ATP12A: variants seen among roughly 807,000 people sequenced by gnomAD.
ATP12A encodes ATPase H+/K+ transporting non-gastric alpha2 subunit, also known as potassium-transporting ATPase alpha chain 2.
A neutral mutation model predicts 111.2 loss-of-function variants in ATP12A; 81 were observed. The observed-to-expected ratio is 0.73, with a 90% confidence interval of 0.61 to 0.88. ATP12A has a LOEUF of 0.88. ATP12A is among the 40% of genes least tolerant of loss of function. The pLI, the probability that ATP12A is intolerant of heterozygous loss-of-function variation, is 0.00. For synonymous variants in ATP12A, 498 were observed against 499.8 expected (o/e 1.00, Z 0.05); for missense variants, 1,196 against 1,313.1 (o/e 0.91, Z 1.38).
intron 11 of ATP12A, among the ~76,000 whole-genome samples, chr13:24,697,248 A>G (rs1380797352): frequency 6.6e-6 from 1 of 152,216 alleles, no homozygotes; most frequent in Non-Finnish European, 1.5e-5. Context: ...TTGAGAATAA[A>G]TAAGTCGATG....
At chr13:24,694,859 TCTCACA>T (rs57137379) in intron 11 of ATP12A, among the ~76,000 whole-genome samples, 79,477 of 148,540 alleles carry the variant, frequency 0.54, 21,354 homozygotes, top group South Asian at 0.67. Context: ...ACTCTCTCTC[TCTCACA>T]CACACACACA....
chr13:24,688,406 A>C lies in ATP12A; in HGVS notation c.316A>C (p.Lys106Gln), dbSNP rs1874748526. The part of the protein sequence containing the change: ...TPPKQTPEIV[K>Q]FLKQMVGGFS... ...TCCCAAGCAGACGCCTGAGATCGTC[A>C]AGTTCCTCAAGCAGATGGTGGGGGG... Residue 106 changes from lysine (K) to glutamine (Q), a missense_variant, in exon 4 of 23, where the codon AAG becomes CAG. By Grantham distance (53) the Lys-to-Gln change is moderately conservative. Around this residue, in one of 3 missense-constraint regions of ATP12A, gnomAD observed 1,126 missense variants for 1,228.5 expected, o/e 0.92. Coordinates refer to ENST00000381946, the MANE Select transcript of ATP12A (RefSeq NM_001676.7). 3 of 1,613,978 alleles carry C rather than the reference A, an allele frequency of 1.9e-6. No homozygotes were observed. The highest frequency in any genetic ancestry group is 2.5e-6 in the Non-Finnish European group (3 of 1,180,026).
chr13:24,685,819 G>T lies in ATP12A; in HGVS notation c.228+446G>T, dbSNP rs77462995. On this transcript the variant is annotated intron_variant, in intron 3 of 22. Coordinates refer to ENST00000381946, the MANE Select transcript of ATP12A (RefSeq NM_001676.7). This position sits in a 1 kb window ranked among gnomAD's most constrained non-coding sequence, Gnocchi z 5.5. ...ATGCTTCGGATTTAAGCTGGTGGGGGACCCCAGGGCCAGTAAGCACAGAGC... is the reference window on the plus strand; with the variant it reads ...ATGCTTCGGATTTAAGCTGGTGGGGTACCCCAGGGCCAGTAAGCACAGAGC... Among the ~76,000 whole-genome samples the T allele has an allele frequency of 0.038, 5,727 of 152,306 alleles. 359 individuals carry two copies. The highest frequency in any genetic ancestry group is 0.13 in the African/African-American group (5,294 of 41,546).
rs1566071023 is a variant in ATP12A, at chr13:24,690,371, A to G, written c.580A>G (p.Thr194Ala). The change falls in exon 6 of 23, where the codon ACC becomes GCC. Residue 194 changes from threonine (T) to alanine (A), a missense_variant. Thr to Ala is a moderately conservative substitution (Grantham distance 58, BLOSUM62 0). Transcript: ENST00000381946. The part of the protein sequence containing the change: ...ALVIRDSEKK[T>A]IPSEQLVVGD... ...CGTCATCCGAGATTCCGAGAAGAAGACCATCCCTTCAGAGCAGCTGGTGGT... is the reference window on the plus strand; with the variant it reads ...CGTCATCCGAGATTCCGAGAAGAAGGCCATCCCTTCAGAGCAGCTGGTGGT... 6.2e-7 allele frequency: 1 copy of G among 1,613,022 alleles called. No homozygotes were observed. Among genetic ancestry groups the G allele is most frequent in the African/African-American group, 1.3e-5 (1 of 74,576 alleles).
In ATP12A at chr13:24,685,761, C is replaced by T. The variant is rs921766009; in HGVS notation, c.228+388C>T. Among the ~76,000 whole-genome samples the T allele has an allele frequency of 2.6e-5, 4 of 152,206 alleles. No homozygotes were observed. Among genetic ancestry groups the T allele is most frequent in the African/African-American group, 4.8e-5 (2 of 41,464 alleles). ...GATGGAAGGGGCCAGAGCCAGCTCTCGGGCTGCTGCCATGTTTGCGCTGGG... is the reference window on the plus strand; with the variant it reads ...GATGGAAGGGGCCAGAGCCAGCTCTTGGGCTGCTGCCATGTTTGCGCTGGG... On this transcript the variant is annotated intron_variant, in intron 3 of 22. Coordinates refer to ENST00000381946, the MANE Select transcript of ATP12A (RefSeq NM_001676.7). This position sits in a 1 kb window ranked among gnomAD's most constrained non-coding sequence, Gnocchi z 5.5.
intron 11 of ATP12A, among the ~76,000 whole-genome samples, chr13:24,696,718 C>CAAAAAAAA (rs1199522203): frequency 9.1e-5 from 3 of 33,034 alleles, no homozygotes; most frequent in South Asian, 2.8e-3. Context: ...GACTCCGTCT[C>CAAAAAAAA]AAAAAAAAAA....
In ATP12A at chr13:24,702,078, A is replaced by G. The variant is rs761259035; in HGVS notation, c.2018+7A>G. ...TGGAGCAAGTTAACAAACGGTAAGC[A>G]CAGGAGCAGCATAGTAAAAATTCCA... On this transcript the variant is annotated splice_region_variant and intron_variant, in intron 14 of 22. Coordinates refer to ENST00000381946, the MANE Select transcript of ATP12A (RefSeq NM_001676.7). 4 of 1,614,098 alleles carry G rather than the reference A, an allele frequency of 2.5e-6. No homozygotes were observed. The African/African-American group carries it at 5.3e-5, about 22-fold the overall frequency.
chr13:24,691,306 C>G, intron 8 of ATP12A, 56 bp downstream of exon 8: 1 of 1,542,462 alleles, frequency 6.5e-7, no homozygotes, highest in South Asian at 1.2e-5. Context: ...AGCACTGGTG[C>G]TGGGGAGGCG....
At chr13:24,694,859 TCTCACACACACA>T (rs767884657) in intron 11 of ATP12A, among the ~76,000 whole-genome samples, 4 of 148,996 alleles carry the variant, frequency 2.7e-5, no homozygotes, top group East Asian at 2.0e-4. Context: ...ACTCTCTCTC[TCTCACACACACA>T]CACACACACA....
chr13:24,703,374 C>T lies in ATP12A; in HGVS notation c.2018+1303C>T, dbSNP rs566551129. On this transcript the variant is annotated intron_variant, in intron 14 of 22. Transcript: ENST00000381946. ...TCTCCTGCCTCAGCCTCCTGAATAG[C>T]TGGGATTACAGGCGCCCGCCACCAT... Among the ~76,000 whole-genome samples the T allele has an allele frequency of 4.3e-4, 66 of 152,224 alleles. 4 individuals are homozygous for T. In the South Asian group the frequency reaches 0.012, roughly 28 times the overall value.
rs764107424 is a variant in ATP12A, at chr13:24,692,557, C to A, written c.1197C>A (p.Asn399Lys). 4 of 1,614,176 alleles carry A rather than the reference C, an allele frequency of 2.5e-6. No homozygotes were observed. The South Asian group carries it at 4.4e-5, about 18-fold the overall frequency. ...ACAAGACTGGGACACTGACCCAGAA[C>A]AGGATGACAGTGGCCCATCTGTGGT... Reference protein sequence around the residue: ...CSDKTGTLTQNRMTVAHLWFD... With the variant: ...CSDKTGTLTQKRMTVAHLWFD... The change falls in exon 9 of 23, where the codon AAC (asparagine) becomes AAA (lysine). Residue 399 changes from asparagine to lysine, a missense_variant. Transcript: ENST00000381946.
At chr13:24,706,150 T>A (rs1262171301) in intron 14 of ATP12A, among the ~76,000 whole-genome samples, 163 bp from the exon 15 acceptor site, 1 of 152,192 alleles carries the variant, frequency 6.6e-6, no homozygotes, top group Non-Finnish European at 1.5e-5. Flanking sequence ...AAATGGAGAC[T>A]AAAGTGTTCC....
In ATP12A at chr13:24,711,353, T is replaced by A. The variant is rs1162738612; in HGVS notation, c.3035T>A (p.Ile1012Asn). Residue 1012 changes from isoleucine (I) to asparagine (N), a missense_variant, in exon 22 of 23, where the codon ATC (isoleucine) becomes AAC (asparagine). Physicochemically the swap from Ile to Asn is moderately radical, Grantham distance 149. Coordinates refer to ENST00000381946, the MANE Select transcript of ATP12A (RefSeq NM_001676.7). The part of the protein sequence containing the change: ...QYWFVAVPHA[I>N]LIWVYDEVRK... ...TGGTTTGTGGCTGTGCCGCACGCCA[T>A]CCTGATCTGGGTGTATGATGAGGTG... is the stretch of plus-strand genomic sequence containing the variant. The A allele has an allele frequency of 3.7e-6, 6 of 1,609,686 alleles. No homozygotes were observed. Among genetic ancestry groups the A allele is most frequent in the Non-Finnish European group, 5.1e-6 (6 of 1,177,856 alleles).
At chr13:24,697,494 G>T (rs1875214224) in intron 11 of ATP12A, among the ~76,000 whole-genome samples, 1 of 152,024 alleles carries the variant, frequency 6.6e-6, no homozygotes, top group Non-Finnish European at 1.5e-5. Flanking sequence ...AACGAAATTA[G>T]CTGGGCATGG....
chr13:24,682,328 T>C (rs1337336250), intron 2 of ATP12A, among the ~76,000 whole-genome samples: 2 of 116,372 alleles, frequency 1.7e-5, no homozygotes, highest in Admixed American at 8.6e-5. Context: ...GGTGTGTGTG[T>C]AGCGTGTGGT....
At chr13:24,708,926 A>G (rs1020649006) in intron 17 of ATP12A, among the ~76,000 whole-genome samples, 39 of 137,796 alleles carry the variant, frequency 2.8e-4, no homozygotes, top group African/African-American at 1.1e-3. Flanking sequence ...AGAAAGAAAG[A>G]AAGAAAGAAA....
chr13:24,705,367 C>T (rs1340909173), intron 14 of ATP12A, among the ~76,000 whole-genome samples: 3 of 152,180 alleles, frequency 2.0e-5, no homozygotes, highest in Admixed American at 6.5e-5. Context: ...CACCTGGGCT[C>T]GCTGGCTAAA....
intron 11 of ATP12A, among the ~76,000 whole-genome samples, chr13:24,697,193 T>C (rs1875202376): frequency 6.6e-6 from 1 of 152,198 alleles, no homozygotes; most frequent in South Asian, 2.1e-4. Context: ...AGTTTCCTCC[T>C]TTGTAAAAGG....
At chr13:24,694,772 A>G (rs1202151609) in intron 11 of ATP12A, among the ~76,000 whole-genome samples, 194 bp downstream of exon 11, 1 of 152,110 alleles carries the variant, frequency 6.6e-6, no homozygotes, top group South Asian at 2.1e-4. Context: ...GAAGCAGGGC[A>G]GAGAAAGAAA....
Sources: allele counts gnomAD v4.1 joint callset (sites outside exome capture counted in the v4.1 genomes callset), GRCh38; gene constraint gnomAD v4.1.1; regional missense constraint gnomAD v4.1.1; non-coding constraint Gnocchi (gnomAD v3.1); transcripts MANE v1.5; gene names NCBI Gene and HGNC (gene_info 2026-07-23, HGNC 2026-07-21).